Variants in XRCC5 observed in about 807,000 individuals in gnomAD.
XRCC5 encodes the protein X-ray repair cross complementing 5.
In XRCC5, 12 loss-of-function variants were observed where a neutral mutation model predicts 95.7. That is an observed-to-expected ratio of 0.13 (90% CI 0.08 to 0.20). The LOEUF (loss-of-function observed/expected upper bound fraction) is 0.20, where lower values mean the gene tolerates loss of function less well. Ranked by LOEUF, XRCC5 falls within the 10% of genes least tolerant of loss-of-function variation. The pLI is 1.00. For synonymous variants in XRCC5, 281 were observed against 290.3 expected, an observed-to-expected ratio of 0.97 and a Z score of 0.33; for missense variants, 595 against 873.9, an observed-to-expected ratio of 0.68 and a Z score of 4.02.
In XRCC5 at chr2:216,121,633, C is replaced by CTATT. The variant is rs1292453903; in HGVS notation, c.492-428_492-427insATTT. Among the ~76,000 whole-genome samples, 10 of 152,212 alleles carry CTATT rather than the reference C, an allele frequency of 6.6e-5. No individual in the cohort carries two copies. In the East Asian group the frequency reaches 1.9e-3, roughly 29 times the overall value. On this transcript the variant is annotated intron_variant, in intron 5 of 20. Coordinates refer to ENST00000392132, the MANE Select transcript of XRCC5 (RefSeq NM_021141.4). ...TCATTACCTCCTAAAGGGCCTCTGTCTTAATAGTATCATATTGGTGATTAG... is the reference window on the plus strand; with the variant it reads ...TCATTACCTCCTAAAGGGCCTCTGTCTATTTTAATAGTATCATATTGGTGATTAG...
chr2:216,191,555 C>T (rs1276746497), intron 17 of XRCC5, among the ~76,000 whole-genome samples: 2 of 151,914 alleles, frequency 1.3e-5, no homozygotes, highest in East Asian at 1.9e-4. Context: ...GCATTACAGG[C>T]GCATGCCACC....
chr2:216,131,754 G>A (rs1696996464), intron 9 of XRCC5, among the ~76,000 whole-genome samples: 1 of 152,106 alleles, frequency 6.6e-6, no homozygotes, highest in African/African-American at 2.4e-5. Context: ...TCTGATCTTT[G>A]TTAATCTCTG....
intron 10 of XRCC5, among the ~76,000 whole-genome samples, chr2:216,132,850 C>T (rs141844492): frequency 8.8e-4 from 134 of 152,268 alleles, no homozygotes; most frequent in Middle Eastern, 3.4e-3. Flanking sequence ...CCTATGACTG[C>T]TGCATTCTAT....
chr2:216,179,220 T>C (rs1294757800), intron 16 of XRCC5, among the ~76,000 whole-genome samples: 1 of 152,220 alleles, frequency 6.6e-6, no homozygotes, highest in Non-Finnish European at 1.5e-5. Context: ...CCTTGACTTA[T>C]AGATCCATTA....
chr2:216,172,839 G>A (rs1689194727), intron 16 of XRCC5, among the ~76,000 whole-genome samples: 1 of 152,048 alleles, frequency 6.6e-6, no homozygotes, highest in Non-Finnish European at 1.5e-5. Context: ...GAAGAGTTAA[G>A]GGAAAATTGC....
chr2:216,123,178 G>A (rs888043644), intron 6 of XRCC5, among the ~76,000 whole-genome samples: 1 of 152,292 alleles, frequency 6.6e-6, no homozygotes, highest in East Asian at 1.9e-4. Context: ...TTGAAGTAGT[G>A]ATTGAACAAC....
At chr2:216,165,432 C>G (rs575982079) in intron 16 of XRCC5, among the ~76,000 whole-genome samples, 2 of 152,180 alleles carry the variant, frequency 1.3e-5, no homozygotes, top group Non-Finnish European at 2.9e-5. Context: ...AAATGGATTG[C>G]TTATTAGCAA....
chr2:216,127,792 T>A, intron 8 of XRCC5, 118 bp downstream of exon 8: 1 of 1,204,380 alleles, frequency 8.3e-7, no homozygotes, highest in Non-Finnish European at 1.1e-6. Flanking sequence ...TATAGAAATA[T>A]AACAGTTTGA....
At chr2:216,190,581 A>C (rs1244811136) in intron 17 of XRCC5, among the ~76,000 whole-genome samples, 1 of 152,194 alleles carries the variant, frequency 6.6e-6, no homozygotes. Flanking sequence ...ATTGTACTGA[A>C]GACCTGGCCT....
intron 16 of XRCC5, among the ~76,000 whole-genome samples, chr2:216,168,029 C>G (rs1689087215): frequency 6.6e-6 from 1 of 152,146 alleles, no homozygotes; most frequent in Admixed American, 6.5e-5. Flanking sequence ...ACCTGACAAT[C>G]CAGGCTTATT....
intron 13 of XRCC5, among the ~76,000 whole-genome samples, chr2:216,146,954 G>A (rs1688648391): frequency 6.6e-6 from 1 of 152,178 alleles, no homozygotes; most frequent in Non-Finnish European, 1.5e-5. Flanking sequence ...CAGTAAAGAA[G>A]AGAAGAGCCC....
chr2:216,187,821 A>ACACT (rs1312215177), intron 16 of XRCC5, among the ~76,000 whole-genome samples: 196 of 47,974 alleles, frequency 4.1e-3, no homozygotes, highest in Non-Finnish European at 6.3e-3. Context: ...ACACACACAC[A>ACACT]CTCTCTCTCT....
chr2:216,182,860 T>C (rs996953415), intron 16 of XRCC5, among the ~76,000 whole-genome samples: 2 of 152,082 alleles, frequency 1.3e-5, no homozygotes, highest in African/African-American at 4.8e-5. Context: ...TGTTTAGTGG[T>C]TTTTTAATGG....
chr2:216,170,318 T>A (rs1387584041), intron 16 of XRCC5, among the ~76,000 whole-genome samples: 1 of 152,160 alleles, frequency 6.6e-6, no homozygotes, highest in African/African-American at 2.4e-5. Flanking sequence ...TTCCCTTAAA[T>A]GTGCTGAGTA....
At chr2:216,181,447 T>C (rs771227619) in intron 16 of XRCC5, among the ~76,000 whole-genome samples, 2 of 152,190 alleles carry the variant, frequency 1.3e-5, no homozygotes, top group African/African-American at 2.4e-5. Flanking sequence ...CCCATTCTTA[T>C]ACAGATTCCC....
chr2:216,163,290 A>G (rs972711674), intron 16 of XRCC5, among the ~76,000 whole-genome samples: 4 of 151,788 alleles, frequency 2.6e-5, no homozygotes, highest in Admixed American at 6.6e-5. Flanking sequence ...GTAAGTCACC[A>G]TGCCTGGCCA....
chr2:216,122,151 T>G lies in XRCC5; in HGVS notation c.581T>G (p.Leu194Arg). ...GGTGGCCATGGGCCTTCCTTTCCACTAAAAGGAATTACCGAACAGCAAAAA... is the reference window on the plus strand; with the variant it reads ...GGTGGCCATGGGCCTTCCTTTCCACGAAAAGGAATTACCGAACAGCAAAAA... ...RLGGHGPSFPLKGITEQQKEG... is the reference protein window; with the variant it reads ...RLGGHGPSFPRKGITEQQKEG... Residue 194 changes from leucine (L) to arginine (R), a missense_variant, in exon 6 of 21, where the codon CTA becomes CGA. Coordinates refer to ENST00000392132, the MANE Select transcript of XRCC5 (RefSeq NM_021141.4). 1 of 1,614,070 alleles carries G rather than the reference T, an allele frequency of 6.2e-7. No individual in the cohort carries two copies. The highest frequency in any genetic ancestry group is 8.5e-7 in the Non-Finnish European group (1 of 1,179,950).
chr2:216,115,425 C>T (rs1443778700), intron 2 of XRCC5, among the ~76,000 whole-genome samples: 2 of 152,154 alleles, frequency 1.3e-5, no homozygotes, highest in Non-Finnish European at 2.9e-5. Context: ...ATTACCTTGC[C>T]TTAAGATGGA....
At chr2:216,113,204 A>G in intron 2 of XRCC5, 75 bp downstream of exon 2, 1 of 1,266,358 alleles carries the variant, frequency 7.9e-7, no homozygotes, top group Non-Finnish European at 1.1e-6. Context: ...AATGCAAGAT[A>G]CCAGCCTCCT....
Sources: allele counts gnomAD v4.1 joint callset (sites outside exome capture counted in the v4.1 genomes callset), GRCh38; gene constraint gnomAD v4.1.1; transcripts MANE v1.5; gene names NCBI Gene and HGNC (gene_info 2026-07-23, HGNC 2026-07-21).